Variants in BCKDHB observed in about 807,000 individuals in gnomAD.
BCKDHB encodes 2-oxoisovalerate dehydrogenase subunit beta, mitochondrial.
A neutral mutation model predicts 48.5 loss-of-function variants in BCKDHB; 41 were observed. The ratio of observed to expected loss-of-function variants is 0.85; its 90% confidence interval spans 0.66 to 1.10. The LOEUF is 1.10. Among genes scored for constraint, BCKDHB ranks in the 50% least tolerant of loss-of-function variants. The pLI, the probability that BCKDHB is intolerant of heterozygous loss-of-function variation, is 0.00. For synonymous variants in BCKDHB, 201 were observed against 174.8 expected, an observed-to-expected ratio of 1.15 and a Z score of -1.18; for missense variants, 496 against 494.2, an observed-to-expected ratio of 1.00 and a Z score of -0.03.
chr6:80,378,133 T>C, the BCKDHB span, among the ~76,000 whole-genome samples: 1 of 152,198 alleles, frequency 6.6e-6, no homozygotes, highest in Non-Finnish European at 1.5e-5. Context: ...ATACATGTGC[T>C]TGTTTGTTAC....
At chr6:80,163,716 C>T (rs552505361) in intron 3 of BCKDHB, among the ~76,000 whole-genome samples, 2 of 152,302 alleles carry the variant, frequency 1.3e-5, no homozygotes, top group South Asian at 2.1e-4. Context: ...TATCTGAGGG[C>T]ATCTCAAAGT....
chr6:80,281,042 GTGTGTGTA>G (rs924792688), intron 9 of BCKDHB, among the ~76,000 whole-genome samples: 11 of 149,262 alleles, frequency 7.4e-5, no homozygotes, highest in Admixed American at 5.3e-4. Flanking sequence ...GTGTGTGTGT[GTGTGTGTA>G]TAAGGTAATG....
intron 8 of BCKDHB, among the ~76,000 whole-genome samples, chr6:80,211,961 A>G (rs899987418): frequency 2.0e-5 from 3 of 152,130 alleles, no homozygotes; most frequent in Non-Finnish European, 2.9e-5. Context: ...ATGCTTCAAA[A>G]GGCAAAAAGC....
the BCKDHB span, among the ~76,000 whole-genome samples, chr6:80,380,656 A>G: frequency 1.7e-4 from 26 of 151,762 alleles, no homozygotes; most frequent in African/African-American, 6.3e-4. Context: ...AACCCACAGA[A>G]TGGGAGAAGA....
At chr6:80,294,182 G>A (rs1400307772) in intron 9 of BCKDHB, among the ~76,000 whole-genome samples, 2 of 152,190 alleles carry the variant, frequency 1.3e-5, no homozygotes, top group Non-Finnish European at 2.9e-5. Context: ...TGGAGCTGCG[G>A]CAGAGGAACA....
intron 3 of BCKDHB, among the ~76,000 whole-genome samples, 189 bp downstream of exon 3, chr6:80,129,418 CT>C (rs1195463928): frequency 1.3e-5 from 2 of 152,246 alleles, no homozygotes; most frequent in African/African-American, 4.8e-5. Context: ...TCCCTCTGAT[CT>C]AGTTCATATT....
chr6:80,357,840 T>A, the BCKDHB span, among the ~76,000 whole-genome samples: 1 of 152,216 alleles, frequency 6.6e-6, no homozygotes, highest in Non-Finnish European at 1.5e-5. Flanking sequence ...GTTGTTGAGC[T>A]GGAGCTCTTT....
chr6:80,255,121 A>G (rs1776997450), intron 8 of BCKDHB, among the ~76,000 whole-genome samples: 1 of 152,214 alleles, frequency 6.6e-6, no homozygotes, highest in African/African-American at 2.4e-5. Flanking sequence ...ACTTTAGAAA[A>G]TATCTTCTGG....
In BCKDHB at chr6:80,205,863, G is replaced by A. The variant is rs1015673825; in HGVS notation, c.951+2651G>A. Among the ~76,000 whole-genome samples the A allele has an allele frequency of 4.0e-5, 6 of 149,560 alleles. No individual in the cohort carries two copies. The East Asian group carries it at 1.2e-3, about 30-fold the overall frequency. On this transcript the variant is annotated intron_variant, in intron 8 of 9. Coordinates refer to ENST00000320393, the MANE Select transcript of BCKDHB (RefSeq NM_183050.4). ...GTGGATTGGCTTAAGAGAATCAGCTGTGTGAGTTCAAAGCCCTGAAATGAG... is the reference window on the plus strand; with the variant it reads ...GTGGATTGGCTTAAGAGAATCAGCTATGTGAGTTCAAAGCCCTGAAATGAG...
At chr6:80,172,661 A>G (rs1371865602) in intron 6 of BCKDHB, among the ~76,000 whole-genome samples, 1 of 152,052 alleles carries the variant, frequency 6.6e-6, no homozygotes, top group African/African-American at 2.4e-5. Flanking sequence ...CGTGTACAGT[A>G]TTGTTTAATA....
intron 9 of BCKDHB, among the ~76,000 whole-genome samples, chr6:80,289,847 T>A (rs1220859179): frequency 1.3e-5 from 2 of 152,126 alleles, no homozygotes. Flanking sequence ...ATAGAGCTGC[T>A]CTGTGGGGAG....
At chr6:80,175,939 T>C (rs1773130492) in intron 6 of BCKDHB, among the ~76,000 whole-genome samples, 1 of 151,956 alleles carries the variant, frequency 6.6e-6, no homozygotes, top group Non-Finnish European at 1.5e-5. Context: ...GGAAATAAAG[T>C]AGGGGGGAAC....
the BCKDHB span, among the ~76,000 whole-genome samples, chr6:80,368,443 T>C: frequency 6.6e-6 from 1 of 152,200 alleles, no homozygotes; most frequent in Non-Finnish European, 1.5e-5. Context: ...TGGTTGTAGA[T>C]TTCCCATATC....
chr6:80,234,385 T>C (rs1776059163), intron 8 of BCKDHB, among the ~76,000 whole-genome samples: 1 of 152,072 alleles, frequency 6.6e-6, no homozygotes, highest in African/African-American at 2.4e-5. Context: ...ACAGATAGAA[T>C]AGGAATGTTT....
the BCKDHB span, among the ~76,000 whole-genome samples, chr6:80,352,460 A>T: frequency 6.6e-6 from 1 of 152,140 alleles, no homozygotes; most frequent in Non-Finnish European, 1.5e-5. Context: ...TTTCTGCCAC[A>T]TGCAGCCTGA....
At chr6:80,151,523 C>G (rs184721324) in intron 3 of BCKDHB, among the ~76,000 whole-genome samples, 49 of 150,706 alleles carry the variant, frequency 3.3e-4, no homozygotes, top group Admixed American at 2.4e-3. Context: ...TTAGTTAGTT[C>G]CAGTAGCAGT....
At chr6:80,265,926 T>C (rs1777496115) in intron 8 of BCKDHB, among the ~76,000 whole-genome samples, 1 of 152,112 alleles carries the variant, frequency 6.6e-6, no homozygotes, top group Non-Finnish European at 1.5e-5. Flanking sequence ...GAACTCTCAC[T>C]TTTTTATTTA....
intron 1 of BCKDHB, among the ~76,000 whole-genome samples, chr6:80,108,724 G>A (rs1364027249): frequency 6.6e-6 from 1 of 152,044 alleles, no homozygotes; most frequent in Non-Finnish European, 1.5e-5. Context: ...GCTGGGCGTG[G>A]CAGCGCATGC....
chr6:80,456,807 A>G, the BCKDHB span, among the ~76,000 whole-genome samples: 3 of 152,196 alleles, frequency 2.0e-5, no homozygotes, highest in African/African-American at 7.2e-5. Context: ...CCTGAAAGCT[A>G]TAGTGTAAAT....
Sources: gnomAD v4.1 joint callset for allele counts (sites outside exome capture counted in the v4.1 genomes callset) on GRCh38, gnomAD v4.1.1 for gene constraint, MANE v1.5 for transcripts, NCBI Gene and HGNC (gene_info 2026-07-23, HGNC 2026-07-21) for gene names.